OSBPL11: variants seen among roughly 807,000 people sequenced by gnomAD.
OSBPL11 encodes oxysterol binding protein like 11.
OSBPL11 carries 33 observed loss-of-function variants against 84.4 expected under a neutral mutation model. The ratio of observed to expected loss-of-function variants is 0.39; its 90% CI spans 0.30 to 0.52. The LOEUF (loss-of-function observed/expected upper bound fraction) is 0.52. Among genes scored for constraint, OSBPL11 ranks in the 20% least tolerant of loss-of-function variants. The probability of loss-of-function intolerance (pLI) is 0.72; values close to 1 mark genes in which losing one functional copy is unlikely to be tolerated. For synonymous variants in OSBPL11, 276 were observed against 310.2 expected (o/e 0.89, Z 1.16); for missense variants, 736 against 901.1 (o/e 0.82, Z 2.35).
Position 125,579,028 on chromosome 3 carries a change from T to C in OSBPL11, c.421A>G (p.Lys141Glu). The C allele has an allele frequency of 6.3e-7, 1 of 1,591,836 alleles. No individual in the cohort carries two copies. The highest frequency in any genetic ancestry group is 8.6e-7 in the Non-Finnish European group (1 of 1,168,320). The change falls in exon 4 of 13, where the codon AAA (lysine) becomes GAA (glutamate). Residue 141 changes from lysine to glutamate, a missense_variant. By Grantham distance (56) the Lys-to-Glu change is moderately conservative. Around this residue, in one of 3 missense-constraint regions of OSBPL11, gnomAD observed 43 missense variants for 78.7 expected, o/e 0.55. Coordinates refer to ENST00000296220, the MANE Select transcript of OSBPL11 (RefSeq NM_022776.5). The stretch of plus-strand genomic sequence containing the variant: ...CTGCTAACCCAGTGCTGTCGCTCTT[T>C]TGCATCTGTAGCTGTTAAAAGAATG... The part of the protein sequence containing the change: ...EQYKLRATDA[K>E]ERQHWVSRLQ...
intron 9 of OSBPL11, among the ~76,000 whole-genome samples, chr3:125,549,673 G>A (rs73191163): frequency 0.034 from 5,162 of 151,992 alleles, 102 homozygotes; most frequent in East Asian, 0.065. Context: ...TTTTTGTAGA[G>A]ATAGGGTCTC....
chr3:125,544,173 A>G (rs973598262), intron 10 of OSBPL11, among the ~76,000 whole-genome samples: 1 of 149,222 alleles, frequency 6.7e-6, no homozygotes, highest in East Asian at 2.0e-4. Context: ...CTCCTGCCTC[A>G]GCCTCCCAAG....
chr3:125,554,581 A>G (rs1215220881), intron 8 of OSBPL11, among the ~76,000 whole-genome samples: 1 of 152,234 alleles, frequency 6.6e-6, no homozygotes, highest in Non-Finnish European at 1.5e-5. Context: ...CTAACTAGGA[A>G]TATAAAGAAC....
At chr3:125,535,041 A>T (rs1455443418) in intron 11 of OSBPL11, among the ~76,000 whole-genome samples, 1 of 151,590 alleles carries the variant, frequency 6.6e-6, no homozygotes, top group Non-Finnish European at 1.5e-5. Context: ...TTCAATGAGA[A>T]AGAAAACAAA....
chr3:125,594,776 T>G lies in OSBPL11; in HGVS notation c.25A>C (p.Thr9Pro), dbSNP rs1299348550. ...CCTTCGCTCTCCGAGACTTTCATTGTGGACACTGGTTCACCCCCCTGCATC... is the reference window on the plus strand; with the variant it reads ...CCTTCGCTCTCCGAGACTTTCATTGGGGACACTGGTTCACCCCCCTGCATC... MQGGEPVS[T>P]MKVSESEGKL... The change falls in exon 1 of 13, where the codon ACA becomes CCA. Residue 9 changes from threonine (T) to proline (P), a missense_variant. By Grantham distance (38) the Thr-to-Pro change is conservative. Around this residue, in one of 3 missense-constraint regions of OSBPL11, gnomAD observed 114 missense variants for 104.9 expected, o/e 1.09. Coordinates refer to ENST00000296220, the MANE Select transcript of OSBPL11 (RefSeq NM_022776.5). The G allele has an allele frequency of 6.2e-7, 1 of 1,614,166 alleles. No homozygotes were observed. Among genetic ancestry groups the G allele is most frequent in the Admixed American group, 1.7e-5 (1 of 60,018 alleles).
intron 1 of OSBPL11, 59 bp from the exon 2 acceptor site, chr3:125,583,037 A>G: frequency 2.4e-6 from 3 of 1,273,018 alleles, no homozygotes; most frequent in Non-Finnish European, 3.3e-6. Context: ...CAGGAGGATA[A>G]TGGTACAATT....
intron 1 of OSBPL11, among the ~76,000 whole-genome samples, chr3:125,586,352 T>C (rs1465096527): frequency 6.6e-6 from 1 of 152,204 alleles, no homozygotes; most frequent in Non-Finnish European, 1.5e-5. Flanking sequence ...TGTTAACATT[T>C]AATTGGGATT....
chr3:125,531,960 G>A lies in OSBPL11; in HGVS notation c.2079C>T (p.Ala693=). ...DSLRESEIDK[A]TEHKHTLEER... ...CTTCCAGGGTATGCTTATGCTCTGT[G>A]GCCTTATCAATTTCAGATTCTCTCA... The change falls in exon 12 of 13, where the codon GCC becomes GCT. Residue 693 remains alanine, a synonymous_variant. Transcript: ENST00000296220. The A allele has an allele frequency of 6.2e-7, 1 of 1,613,030 alleles. No homozygotes were observed. The highest frequency in any genetic ancestry group is 1.3e-5 in the African/African-American group (1 of 74,958).
rs1374453676 is a variant in OSBPL11, at chr3:125,595,033, C to G, written c.-233G>C. The G allele has an allele frequency of 4.4e-6, 2 of 454,012 alleles. No homozygotes were observed. Among genetic ancestry groups the G allele is most frequent in the Admixed American group, 7.1e-5 (2 of 28,016 alleles). The allele number at this position is 454,012 out of a possible 1,614,324, so 28.1% of individuals were successfully genotyped here. A position where few individuals can be genotyped will look rare whatever the true frequency, so the allele number is the denominator to read the frequency against. ...GAGGACAGATATCCTTCACATGTATCTCTCTCCTTTCCGGCAAAAGCAAGG... is the reference window on the plus strand; with the variant it reads ...GAGGACAGATATCCTTCACATGTATGTCTCTCCTTTCCGGCAAAAGCAAGG... On this transcript the variant is annotated 5_prime_UTR_variant, in exon 1 of 13. Coordinates refer to ENST00000296220, the MANE Select transcript of OSBPL11 (RefSeq NM_022776.5).
chr3:125,595,423 C>T lies in OSBPL11; in HGVS notation c.-623G>A, dbSNP rs991790842. 2.6e-5 allele frequency among the ~76,000 whole-genome samples: 4 copies of T among 152,208 alleles called. No individual in the cohort carries two copies. Among genetic ancestry groups the T allele is most frequent in the Admixed American group, 1.3e-4 (2 of 15,286 alleles). ...CACTCGGGACAACTTCCTCTTATGC[C>T]CCTGGCCCGGGCCCTCGACTGGGTT... On this transcript the variant is annotated 5_prime_UTR_variant, in exon 1 of 13. Transcript: ENST00000296220.
intron 1 of OSBPL11, among the ~76,000 whole-genome samples, chr3:125,583,523 A>G (rs1309027168): frequency 6.2e-5 from 9 of 145,992 alleles, no homozygotes; most frequent in Non-Finnish European, 9.0e-5. Context: ...GGAGGCTGCA[A>G]TGAGCTGAGA....
intron 5 of OSBPL11, among the ~76,000 whole-genome samples, chr3:125,572,831 CATAT>C (rs1226536843): frequency 6.2e-5 from 9 of 144,844 alleles, no homozygotes; most frequent in East Asian, 2.0e-4. Flanking sequence ...TTTATGTATA[CATAT>C]ATATATTTTA....
chr3:125,549,197 T>A (rs1035231183), intron 9 of OSBPL11, among the ~76,000 whole-genome samples: 2 of 152,164 alleles, frequency 1.3e-5, no homozygotes, highest in African/African-American at 4.8e-5. Context: ...ACTTTCTTTG[T>A]ATTTTTAATA....
intron 10 of OSBPL11, among the ~76,000 whole-genome samples, chr3:125,540,476 CT>C (rs1168234477): frequency 6.6e-6 from 1 of 151,544 alleles, no homozygotes; most frequent in Non-Finnish European, 1.5e-5. Flanking sequence ...ACTTAAATAA[CT>C]GCCCTGGTTT....
chr3:125,578,571 A>AGG (rs1375056837), intron 4 of OSBPL11, among the ~76,000 whole-genome samples: 1 of 152,172 alleles, frequency 6.6e-6, no homozygotes, highest in Non-Finnish European at 1.5e-5. Flanking sequence ...TTTTTAGTAA[A>AGG]GAAACAACTT....
At chr3:125,565,247 TA>T (rs1174092271) in intron 6 of OSBPL11, among the ~76,000 whole-genome samples, 1 of 151,836 alleles carries the variant, frequency 6.6e-6, no homozygotes, top group African/African-American at 2.4e-5. Flanking sequence ...AAATATAAAA[TA>T]AAAAATATAT....
intron 3 of OSBPL11, among the ~76,000 whole-genome samples, chr3:125,579,598 T>G (rs1936389574): frequency 6.6e-6 from 1 of 152,206 alleles, no homozygotes; most frequent in Non-Finnish European, 1.5e-5. Context: ...AAGTCTATGT[T>G]TCTAGATTTT....
At chr3:125,543,730 G>A (rs1460953806) in intron 10 of OSBPL11, among the ~76,000 whole-genome samples, 14 of 151,888 alleles carry the variant, frequency 9.2e-5, no homozygotes, top group African/African-American at 1.7e-4. Context: ...GCGAAACCCC[G>A]TCTCTACTAA....
At chr3:125,585,537 A>G (rs77089335) in intron 1 of OSBPL11, among the ~76,000 whole-genome samples, 1 of 92,272 alleles carries the variant, frequency 1.1e-5, no homozygotes, top group Non-Finnish European at 2.0e-5. Context: ...TAGCTTTCTG[A>G]AAAAAAAAAA....
Sources: allele counts gnomAD v4.1 joint callset (sites outside exome capture counted in the v4.1 genomes callset), GRCh38; gene constraint gnomAD v4.1.1; regional missense constraint gnomAD v4.1.1; transcripts MANE v1.5; gene names NCBI Gene and HGNC (gene_info 2026-07-23, HGNC 2026-07-21).